The following FBXW7 variants were observed in gnomAD, a reference collection of about 807,000 sequenced individuals.
FBXW7 encodes the protein F-box and WD repeat domain containing 7.
In FBXW7, 11 loss-of-function variants were observed where a neutral mutation model predicts 86.3. That is an observed-to-expected ratio of 0.13 (90% CI 0.08 to 0.21). FBXW7 has a LOEUF of 0.21. FBXW7 is among the 10% of genes least tolerant of loss of function. The pLI, the probability that FBXW7 is intolerant of heterozygous loss-of-function variation, is 1.00. For missense variants in FBXW7, 488 were observed against 847.4 expected (o/e 0.58, Z 5.27); for synonymous variants, 313 against 297.9 (o/e 1.05, Z -0.52).
At chr4:152,337,528 T>G in intron 7 of FBXW7, 1 of 251,324 alleles carries the variant, frequency 4.0e-6, no homozygotes, top group East Asian at 7.5e-5. Context: ...GGTAAATAAA[T>G]AATCAAATTA....
chr4:152,321,621 A>C lies in FBXW7; in HGVS notation c.*1260T>G, dbSNP rs764866588. The C allele has an allele frequency of 8.6e-6, 2 of 233,046 alleles. No homozygotes were observed. Among genetic ancestry groups the C allele is most frequent in the Non-Finnish European group, 1.7e-5 (2 of 117,732 alleles). 14.4% of individuals were successfully genotyped at this position (233,046 alleles called of 1,614,324 possible). On this transcript the variant is annotated 3_prime_UTR_variant, in exon 14 of 14. Coordinates refer to ENST00000281708, the MANE Select transcript of FBXW7 (RefSeq NM_001349798.2). Reference sequence around the variant, plus strand: ...CTGAATAGTTTCTGCTTTGTCAGTTACTCAGAGCAATAAAACTGTAACAGT... The same window carrying C: ...CTGAATAGTTTCTGCTTTGTCAGTTCCTCAGAGCAATAAAACTGTAACAGT...
intron 4 of FBXW7, among the ~76,000 whole-genome samples, chr4:152,376,434 G>C (rs1056954490): frequency 1.3e-5 from 2 of 152,130 alleles, no homozygotes; most frequent in Non-Finnish European, 2.9e-5. Flanking sequence ...TGTTTAATAA[G>C]CCTAGCAGAC....
intron 4 of FBXW7, among the ~76,000 whole-genome samples, chr4:152,373,568 AC>A (rs1056587558): frequency 2.4e-4 from 36 of 152,058 alleles, no homozygotes; most frequent in African/African-American, 8.4e-4. Context: ...ATATGAAAAA[AC>A]ATAAGACAAG....
At chr4:152,414,773 T>C (rs1324068327) in intron 2 of FBXW7, among the ~76,000 whole-genome samples, 1 of 152,140 alleles carries the variant, frequency 6.6e-6, no homozygotes, top group Non-Finnish European at 1.5e-5. Flanking sequence ...TCCTGACCTA[T>C]GGGTACTTTA....
intron 2 of FBXW7, among the ~76,000 whole-genome samples, chr4:152,449,985 C>G (rs1353134306): frequency 1.3e-5 from 2 of 152,168 alleles, no homozygotes; most frequent in Non-Finnish European, 2.9e-5. Flanking sequence ...TAATAAACAC[C>G]TTGAATTAAA....
intron 2 of FBXW7, among the ~76,000 whole-genome samples, chr4:152,418,007 T>C (rs915164983): frequency 2.6e-5 from 4 of 152,110 alleles, no homozygotes; most frequent in African/African-American, 9.7e-5. Flanking sequence ...AAAACATCTG[T>C]GTTAAGAGTA....
chr4:152,531,047 T>C (rs555294368), intron 2 of FBXW7, among the ~76,000 whole-genome samples: 1 of 152,106 alleles, frequency 6.6e-6, no homozygotes, highest in Admixed American at 6.6e-5. Flanking sequence ...TGGGGTCATC[T>C]GGTGGGTGCT....
intron 4 of FBXW7, among the ~76,000 whole-genome samples, chr4:152,362,126 G>C (rs1209065867): frequency 6.6e-6 from 1 of 152,110 alleles, no homozygotes; most frequent in Non-Finnish European, 1.5e-5. Context: ...ATGATGGAAT[G>C]ATGACTATTA....
chr4:152,393,275 AAAAG>A (rs1736142161), intron 4 of FBXW7, among the ~76,000 whole-genome samples: 1 of 152,158 alleles, frequency 6.6e-6, no homozygotes, highest in Non-Finnish European at 1.5e-5. Flanking sequence ...TGTCATGATG[AAAAG>A]AAAAAGATTT....
intron 4 of FBXW7, among the ~76,000 whole-genome samples, chr4:152,398,949 C>T (rs757509567): frequency 1.3e-4 from 20 of 151,994 alleles, no homozygotes; most frequent in Non-Finnish European, 2.6e-4. Flanking sequence ...TCAAAAGGAA[C>T]TTACATTTGT....
At chr4:152,468,440 T>C (rs1395244896) in intron 2 of FBXW7, among the ~76,000 whole-genome samples, 1 of 152,146 alleles carries the variant, frequency 6.6e-6, no homozygotes, top group Non-Finnish European at 1.5e-5. Context: ...GAAACACTGA[T>C]ACATGCTACA....
chr4:152,520,607 G>T (rs748201530), intron 2 of FBXW7, among the ~76,000 whole-genome samples: 1 of 152,048 alleles, frequency 6.6e-6, no homozygotes, highest in Non-Finnish European at 1.5e-5. Context: ...GTGCAAAGGG[G>T]ACCAGTCCTT....
chr4:152,487,673 A>C (rs1745470505), intron 2 of FBXW7, among the ~76,000 whole-genome samples: 1 of 152,076 alleles, frequency 6.6e-6, no homozygotes, highest in Non-Finnish European at 1.5e-5. Context: ...AAAAGTTCTG[A>C]AACAGTGATA....
At chr4:152,453,392 C>T (rs1742090086) in intron 2 of FBXW7, among the ~76,000 whole-genome samples, 1 of 152,122 alleles carries the variant, frequency 6.6e-6, no homozygotes, top group Non-Finnish European at 1.5e-5. Flanking sequence ...CACCCCATGT[C>T]TTCTACAACT....
intron 4 of FBXW7, among the ~76,000 whole-genome samples, chr4:152,407,638 C>T (rs1737538312): frequency 6.6e-6 from 1 of 152,180 alleles, no homozygotes; most frequent in South Asian, 2.1e-4. Flanking sequence ...ATCCTATTAC[C>T]TGATTCCTCT....
rs922015624 is a variant in FBXW7, at chr4:152,535,889, G to A, written c.-975C>T. 12 of 371,058 alleles carry A rather than the reference G, an allele frequency of 3.2e-5. No homozygotes were observed. Among genetic ancestry groups the A allele is most frequent in the Non-Finnish European group, 5.3e-5 (11 of 208,300 alleles). 23.0% of individuals were successfully genotyped at this position (371,058 alleles called of 1,614,324 possible). A position where few individuals can be genotyped will look rare whatever the true frequency, so the allele number is the denominator to read the frequency against. ...GCTGCCGGCCGGGAAGGTGAGGGGG[G>A]GAAAGGAGTGCGGCCGCGGCTCCCG... On this transcript the variant is annotated 5_prime_UTR_variant, in exon 1 of 14. Coordinates refer to ENST00000281708, the MANE Select transcript of FBXW7 (RefSeq NM_001349798.2).
At chr4:152,489,417 A>T (rs1046359981) in intron 2 of FBXW7, 6 of 152,782 alleles carry the variant, frequency 3.9e-5, no homozygotes, top group African/African-American at 1.4e-4. Context: ...CCTCAAGAGG[A>T]CATAAATGGT....
chr4:152,466,543 A>C (rs1425567129), intron 2 of FBXW7, among the ~76,000 whole-genome samples: 1 of 151,392 alleles, frequency 6.6e-6, no homozygotes, highest in Non-Finnish European at 1.5e-5. Flanking sequence ...CAACAGAGCG[A>C]GACTCCATTT....
At chr4:152,439,737 G>A (rs1441381002) in intron 2 of FBXW7, among the ~76,000 whole-genome samples, 1 of 151,928 alleles carries the variant, frequency 6.6e-6, no homozygotes, top group Non-Finnish European at 1.5e-5. Context: ...GTGGTGGCAG[G>A]CACCTGTAGT....
Sources: gnomAD v4.1 joint callset for allele counts (sites outside exome capture counted in the v4.1 genomes callset) on GRCh38, gnomAD v4.1.1 for gene constraint, MANE v1.5 for transcripts, NCBI Gene and HGNC (gene_info 2026-07-23, HGNC 2026-07-21) for gene names.